KHNYN: variants seen among roughly 807,000 people sequenced by gnomAD.
KHNYN encodes KH and NYN domain containing.
Under a neutral mutation model 62.7 loss-of-function variants are expected in KHNYN, and 42 were observed. The ratio of observed to expected loss-of-function variants is 0.67; its 90% CI spans 0.52 to 0.87. The LOEUF (loss-of-function observed/expected upper bound fraction) is 0.87, where lower values mean the gene tolerates loss of function less well. KHNYN is among the 40% of genes least tolerant of loss of function. The probability of loss-of-function intolerance (pLI) is 0.00; values close to 1 mark genes in which losing one functional copy is unlikely to be tolerated. For synonymous variants in KHNYN, 347 were observed against 345.6 expected, an observed-to-expected ratio of 1.00 and a Z score of -0.04; for missense variants, 829 against 874.1, an observed-to-expected ratio of 0.95 and a Z score of 0.65.
Position 24,437,660 on chromosome 14 carries a change from T to C in KHNYN, c.*375T>C, listed in dbSNP as rs115319005. The C allele has an allele frequency of 1.4e-3, 268 of 186,642 alleles. 1 individual carries two copies. The highest frequency in any genetic ancestry group is 6.2e-3 in the African/African-American group (263 of 42,650). 11.6% of individuals were successfully genotyped at this position (186,642 alleles called of 1,614,324 possible). Reference sequence around the variant, plus strand: ...CAGGAAGTTAAGCTGTTCCTCTCCCTGGCTGCTGCTCTGGATGGCCAGAGA... The same window carrying C: ...CAGGAAGTTAAGCTGTTCCTCTCCCCGGCTGCTGCTCTGGATGGCCAGAGA... On this transcript the variant is annotated 3_prime_UTR_variant, in exon 8 of 8. Coordinates refer to ENST00000553935, the MANE Select transcript of KHNYN (RefSeq NM_015299.3). This position sits in a 1 kb window ranked among gnomAD's most constrained non-coding sequence, Gnocchi z 5.5.
rs951008967 is a variant in KHNYN at position 24,438,156 on chromosome 14, A to C, written c.*871A>C. ...TTACACAGTAGGTAAATTAGGGATG[A>C]CTGCATTATCAAAATACTCTCAGGG... On this transcript the variant is annotated 3_prime_UTR_variant, in exon 8 of 8. Transcript: ENST00000553935. The C allele has an allele frequency of 2.6e-5, 4 of 152,642 alleles. No individual in the cohort carries two copies. The highest frequency in any genetic ancestry group is 6.5e-5 in the Admixed American group (1 of 15,282). The allele number at this position is 152,642 out of a possible 1,614,324, so 9.5% of individuals were successfully genotyped here. A position where few individuals can be genotyped will look rare whatever the true frequency, so the allele number is the denominator to read the frequency against.
rs202006965 is a variant in KHNYN at position 24,431,648 on chromosome 14, C to T, written c.387C>T (p.Val129=). ...TCAGTGGCCTGACTGAAGCCTTTGT[C>T]ATGGCTCAGAGCCGGGTAGAAGAGC... ...LMISGLTEAF[V]MAQSRVEELA... is the part of the protein sequence containing the mutation. Residue 129 remains valine (V), a synonymous_variant, in exon 3 of 8, where the codon GTC becomes GTT. Coordinates refer to ENST00000553935, the MANE Select transcript of KHNYN (RefSeq NM_015299.3). 6.2e-7 allele frequency: 1 copy of T among 1,614,042 alleles called. No individual in the cohort carries two copies. Among genetic ancestry groups the T allele is most frequent in the East Asian group, 2.2e-5 (1 of 44,882 alleles).
At chr14:24,435,448 G>C (rs939739107) in intron 5 of KHNYN, 1 of 153,014 alleles carries the variant, frequency 6.5e-6, no homozygotes, top group African/African-American at 2.4e-5. Flanking sequence ...GGCAGGGCAG[G>C]GGAGACTGGA....
rs2043241709 is a variant in KHNYN at position 24,438,421 on chromosome 14, T to C, written c.*1136T>C. The C allele has an allele frequency of 6.6e-6, 1 of 152,504 alleles. No homozygotes were observed. The highest frequency in any genetic ancestry group is 1.5e-5 in the Non-Finnish European group (1 of 68,016). 9.4% of individuals were successfully genotyped at this position (152,504 alleles called of 1,614,324 possible). A position where few individuals can be genotyped will look rare whatever the true frequency, so the allele number is the denominator to read the frequency against. ...CACTTCTGCTTTATGTGTGTGTGTA[T>C]GGGGATGGGAGGACTTAACGGAAGT... On this transcript the variant is annotated 3_prime_UTR_variant, in exon 8 of 8. Coordinates refer to ENST00000553935, the MANE Select transcript of KHNYN (RefSeq NM_015299.3).
At chr14:24,427,679 G>C, upstream of KHNYN, 1 of 979,276 alleles carries the variant, frequency 1.0e-6, no homozygotes, top group Non-Finnish European at 1.6e-6. The surrounding 1 kb of genome is among the most constrained non-coding windows in gnomAD (Gnocchi z 4.4). Context: ...GCAAAGAGGT[G>C]GGATAGGAGC....
At chr14:24,435,139 TC>T (rs2043186196) in intron 5 of KHNYN, among the ~76,000 whole-genome samples, 1 of 152,222 alleles carries the variant, frequency 6.6e-6, no homozygotes, top group Non-Finnish European at 1.5e-5. Flanking sequence ...TTAAAAAAGT[TC>T]CCTTGGTAAT....
At chr14:24,436,027 G>A in intron 5 of KHNYN, 45 bp from the exon 6 acceptor site, 1 of 1,418,066 alleles carries the variant, frequency 7.1e-7, no homozygotes, top group South Asian at 1.1e-5. Flanking sequence ...GTACCCAGTA[G>A]GTAATTTTTC....
intron 7 of KHNYN, 111 bp from the exon 8 acceptor site, chr14:24,436,924 AT>A (rs1310111967): frequency 7.1e-7 from 1 of 1,409,260 alleles, no homozygotes; most frequent in Non-Finnish European, 9.6e-7. Flanking sequence ...GAACTTCAGG[AT>A]TTCTCCCCCA....
upstream of KHNYN, among the ~76,000 whole-genome samples, chr14:24,424,966 C>T (rs2043005750): frequency 6.6e-6 from 1 of 152,156 alleles, no homozygotes; most frequent in East Asian, 1.9e-4. Context: ...GTAGCTCACA[C>T]CTGTAATCAG....
At chr14:24,436,962 G>T in intron 7 of KHNYN, 74 bp from the exon 8 acceptor site, 2 of 1,537,284 alleles carry the variant, frequency 1.3e-6, no homozygotes, top group Non-Finnish European at 1.8e-6. Context: ...GGACAATTAC[G>T]AGAGGGGTGC....
At position 24,437,690 on chromosome 14, in the gene KHNYN, G is replaced by T. The variant is rs1274160015; in HGVS notation, c.*405G>T. 3 of 175,400 alleles carry T rather than the reference G, an allele frequency of 1.7e-5. No individual in the cohort carries two copies. Among genetic ancestry groups the T allele is most frequent in the Non-Finnish European group, 3.7e-5 (3 of 81,928 alleles). 10.9% of individuals were successfully genotyped at this position (175,400 alleles called of 1,614,324 possible). On this transcript the variant is annotated 3_prime_UTR_variant, in exon 8 of 8. Coordinates refer to ENST00000553935, the MANE Select transcript of KHNYN (RefSeq NM_015299.3). This position sits in a 1 kb window ranked among gnomAD's most constrained non-coding sequence, Gnocchi z 5.5. ...GCTGCTCTGGATGGCCAGAGAACAA[G>T]ATGCTCCCTTGCTGAGCTCCTGGGA...
chr14:24,439,837 C>CGT lies in KHNYN; in HGVS notation c.*2552_*2553insGT. ...TACACAGCGTAAAGGAGAAGTGGGG[C>CGT]AGCTGCAGGACATGTAGAGAAACCA... is the stretch of plus-strand genomic sequence containing the variant. On this transcript the variant is annotated 3_prime_UTR_variant, in exon 8 of 8. Coordinates refer to ENST00000553935, the MANE Select transcript of KHNYN (RefSeq NM_015299.3). 1 of 451,592 alleles carries CGT rather than the reference C, an allele frequency of 2.2e-6. No homozygotes were observed. The highest frequency in any genetic ancestry group is 3.9e-6 in the Non-Finnish European group (1 of 253,878). 28.0% of individuals were successfully genotyped at this position (451,592 alleles called of 1,614,324 possible).
rs756467648 is a variant in KHNYN at position 24,441,047 on chromosome 14, G to C, written c.*3762G>C. The C allele has an allele frequency of 5.5e-6, 6 of 1,095,866 alleles. No individual in the cohort carries two copies. The Middle Eastern group carries it at 5.9e-4, about 108-fold the overall frequency. 67.9% of individuals were successfully genotyped at this position (1,095,866 alleles called of 1,614,324 possible). A position where few individuals can be genotyped will look rare whatever the true frequency, so the allele number is the denominator to read the frequency against. On this transcript the variant is annotated 3_prime_UTR_variant, in exon 8 of 8. Transcript: ENST00000553935. ...TAGGATCTCCCCATTTGGAGACAGAGCCATTTGGATATTTTCCCCTTGAAC... is the reference window on the plus strand; with the variant it reads ...TAGGATCTCCCCATTTGGAGACAGACCCATTTGGATATTTTCCCCTTGAAC...
chr14:24,428,735 G>A (rs117443441), upstream of KHNYN: 968 of 1,554,166 alleles, frequency 6.2e-4, 8 homozygotes, highest in East Asian at 0.019. Context: ...AGGTCCCCTG[G>A]ACAGGGGTAG....
rs557527727 is a variant in KHNYN at position 24,432,441 on chromosome 14, C to T, written c.1180C>T (p.Arg394Trp). Residue 394 changes from arginine to tryptophan, a missense_variant, in exon 3 of 8, where the codon CGG becomes TGG. Arg to Trp is a moderately radical substitution (Grantham distance 101). Transcript: ENST00000553935. The surrounding 1 kb of genome is among the most constrained non-coding windows in gnomAD (Gnocchi z 5.6). Reference sequence around the variant, plus strand: ...GGGAGACAAGCAGCAGGGCATGGCACGGGGTCGGGGGCCTCAATGGAAACG... The same window carrying T: ...GGGAGACAAGCAGCAGGGCATGGCATGGGGTCGGGGGCCTCAATGGAAACG... Reference protein sequence around the residue: ...DRGDKQQGMARGRGPQWKRGA... With the variant: ...DRGDKQQGMAWGRGPQWKRGA... The T allele has an allele frequency of 6.2e-6, 10 of 1,613,306 alleles. No homozygotes were observed. The highest frequency in any genetic ancestry group is 1.7e-4 in the Middle Eastern group (1 of 6,054).
At position 24,430,767 on chromosome 14, in the gene KHNYN, C is replaced by G. The variant is rs778163494; in HGVS notation, c.37C>G (p.Arg13Gly). The part of the protein sequence containing the change: ...TWGARPASPD[R>G]FAVSAEAENK... ...GGGGGCCCGCCCCGCGTCCCCAGAT[C>G]GCTTTGCGGTGTCTGCGGAGGCTGA... The change falls in exon 2 of 8, where the codon CGC becomes GGC. Residue 13 changes from arginine (R) to glycine (G), a missense_variant. By Grantham distance (125) the Arg-to-Gly change is moderately radical. Around this residue, in one of 2 missense-constraint regions of KHNYN, gnomAD observed 559 missense variants for 527.0 expected, o/e 1.06. Transcript: ENST00000553935. 4.9e-5 allele frequency: 78 copies of G among 1,590,398 alleles called. No homozygotes were observed. Among genetic ancestry groups the G allele is most frequent in the Non-Finnish European group, 6.0e-5 (70 of 1,168,538 alleles).
chr14:24,437,100 C>G lies in KHNYN; in HGVS notation c.1852C>G (p.Gln618Glu), dbSNP rs1392216992. 3 of 1,614,118 alleles carry G rather than the reference C, an allele frequency of 1.9e-6. No homozygotes were observed. In the South Asian group the frequency reaches 3.3e-5, roughly 18 times the overall value. The change falls in exon 8 of 8, where the codon CAG (glutamine) becomes GAG (glutamate). Residue 618 changes from glutamine (Q) to glutamate (E), a missense_variant. Transcript: ENST00000553935. This position sits in a 1 kb window ranked among gnomAD's most constrained non-coding sequence, Gnocchi z 5.5. ...CTTTGCAGAACATGGTAAACAGCAG[C>G]AGGGGAGAGAAGAGGAAAAAGGTAG... ...RGFAEHGKQQ[Q>E]GREEEKGSGG... is the part of the protein sequence containing the mutation.
intron 5 of KHNYN, 125 bp from the exon 6 acceptor site, chr14:24,435,947 C>G: frequency 1.4e-6 from 1 of 724,012 alleles, no homozygotes; most frequent in Non-Finnish European, 2.4e-6. Context: ...TACAGTTTTG[C>G]TACATAGATA....
In KHNYN at chr14:24,440,018, C is replaced by A. The variant is rs567597804; in HGVS notation, c.*2733C>A. On this transcript the variant is annotated 3_prime_UTR_variant, in exon 8 of 8. Transcript: ENST00000553935. ...GCTTCAGCTCTCTAGAGGAGCTGAG[C>A]CTATTCACAGTGCCTAACCTGGAAG... The A allele has an allele frequency of 1.4e-4, 187 of 1,375,098 alleles. No individual in the cohort carries two copies. In the African/African-American group the frequency reaches 2.4e-3, roughly 17 times the overall value. 85.2% of individuals were successfully genotyped at this position (1,375,098 alleles called of 1,614,324 possible). A position where few individuals can be genotyped will look rare whatever the true frequency, so the allele number is the denominator to read the frequency against.
Sources: gnomAD v4.1 joint callset for allele counts (sites outside exome capture counted in the v4.1 genomes callset) on GRCh38, gnomAD v4.1.1 for gene constraint, gnomAD v4.1.1 regional missense constraint, Gnocchi (gnomAD v3.1) non-coding constraint, MANE v1.5 for transcripts, NCBI Gene and HGNC (gene_info 2026-07-23, HGNC 2026-07-21) for gene names.